The following LRBA variants were observed in gnomAD, a reference collection of about 807,000 sequenced individuals.
LRBA encodes the protein LPS responsive beige-like anchor protein.
LRBA carries 176 observed loss-of-function variants against 330.0 expected under a neutral mutation model. That is an observed-to-expected ratio of 0.53 (90% CI 0.47 to 0.60). The LOEUF (loss-of-function observed/expected upper bound fraction) is 0.60, where lower values mean the gene tolerates loss of function less well. LRBA is among the 20% of genes least tolerant of loss of function. The pLI, the probability that LRBA is intolerant of heterozygous loss-of-function variation, is 0.00. For synonymous variants in LRBA, 1,230 were observed against 1,193.0 expected, an observed-to-expected ratio of 1.03 and a Z score of -0.64; for missense variants, 3,259 against 3,444.8, an observed-to-expected ratio of 0.95 and a Z score of 1.35.
chr4:150,850,238 C>T (rs965438740), intron 24 of LRBA, among the ~76,000 whole-genome samples: 2 of 151,938 alleles, frequency 1.3e-5, no homozygotes, highest in South Asian at 4.2e-4. Context: ...GGACTACAGA[C>T]GCCCGCCACC....
intron 42 of LRBA, among the ~76,000 whole-genome samples, chr4:150,481,095 A>C (rs1757246400): frequency 1.3e-5 from 2 of 152,196 alleles, no homozygotes; most frequent in South Asian, 4.1e-4. Flanking sequence ...CGCAGTGTTT[A>C]ACTTTCTGTG....
chr4:150,405,907 T>G (rs987621959), intron 47 of LRBA, among the ~76,000 whole-genome samples: 4 of 151,872 alleles, frequency 2.6e-5, no homozygotes, highest in African/African-American at 9.7e-5. Context: ...ATAAAAAACT[T>G]AGCTGGGTGT....
chr4:150,828,133 A>G, intron 30 of LRBA, 47 bp downstream of exon 30: 2 of 1,559,270 alleles, frequency 1.3e-6, no homozygotes, highest in Non-Finnish European at 1.8e-6. Context: ...ATGTTGTTCA[A>G]GGGTCAGATG....
chr4:150,878,806 G>A (rs1728042038), intron 17 of LRBA, among the ~76,000 whole-genome samples: 1 of 150,610 alleles, frequency 6.6e-6, no homozygotes, highest in South Asian at 2.1e-4. Context: ...GACCAGGATT[G>A]AGCTCCGAAA....
In LRBA at chr4:150,435,662, T is replaced by C. The variant is rs751277202; in HGVS notation, c.6968A>G (p.Asp2323Gly). ...TGATGAAAAAGTTCGATCTGCATGA[T>C]CAAATTTGCCTCCTTGCAAATTTAG... ...YFLNLQGGKF[D>G]HADRTFSSIS... The change falls in exon 46 of 57, where the codon GAT becomes GGT. Residue 2323 changes from aspartate to glycine, a missense_variant. By Grantham distance (94) the Asp-to-Gly change is moderately conservative. Transcript: ENST00000651943. 15 of 1,612,704 alleles carry C rather than the reference T, an allele frequency of 9.3e-6. No homozygotes were observed. In the Admixed American group the frequency reaches 2.3e-4, roughly 25 times the overall value.
At chr4:150,776,189 C>G (rs532600275) in intron 34 of LRBA, among the ~76,000 whole-genome samples, 71 of 152,148 alleles carry the variant, frequency 4.7e-4, no homozygotes, top group African/African-American at 1.7e-3. Flanking sequence ...CAGTGGTGCA[C>G]GCCTATAATC....
intron 40 of LRBA, among the ~76,000 whole-genome samples, chr4:150,509,372 A>G (rs1761552492): frequency 6.6e-6 from 1 of 152,084 alleles, no homozygotes; most frequent in African/African-American, 2.4e-5. Context: ...TGAAAACACA[A>G]TTTTAAAAAA....
At chr4:150,883,315 C>A (rs1728604367) in intron 17 of LRBA, among the ~76,000 whole-genome samples, 1 of 151,992 alleles carries the variant, frequency 6.6e-6, no homozygotes, top group Non-Finnish European at 1.5e-5. Context: ...CAAAAATTAG[C>A]CAGGCATGGG....
At chr4:150,630,459 T>C (rs1447651700) in intron 37 of LRBA, among the ~76,000 whole-genome samples, 1 of 152,240 alleles carries the variant, frequency 6.6e-6, no homozygotes, top group Non-Finnish European at 1.5e-5. Flanking sequence ...ATATTTAATA[T>C]ATAGTTTAAT....
intron 46 of LRBA, chr4:150,423,300 C>T (rs1385646463): frequency 2.5e-6 from 2 of 791,174 alleles, no homozygotes; most frequent in Admixed American, 2.0e-5. Context: ...TCAAACATTC[C>T]TAATCATCCT....
intron 47 of LRBA, among the ~76,000 whole-genome samples, chr4:150,383,655 T>C (rs1414639918): frequency 6.6e-6 from 1 of 152,190 alleles, no homozygotes; most frequent in Non-Finnish European, 1.5e-5. Flanking sequence ...CGCTCTTGTG[T>C]GACAGGTGTA....
chr4:150,450,290 A>G (rs564638474), intron 44 of LRBA, among the ~76,000 whole-genome samples: 3 of 152,354 alleles, frequency 2.0e-5, no homozygotes, highest in East Asian at 3.9e-4. Context: ...ATAACTAAAT[A>G]TCACAAACTA....
At chr4:150,444,359 C>T (rs1437306588) in intron 44 of LRBA, among the ~76,000 whole-genome samples, 1 of 152,042 alleles carries the variant, frequency 6.6e-6, no homozygotes, top group Non-Finnish European at 1.5e-5. Context: ...TCCTCCCCCA[C>T]CACTCTAGTG....
At chr4:150,340,719 G>A (rs958995233) in intron 48 of LRBA, among the ~76,000 whole-genome samples, 1 of 152,168 alleles carries the variant, frequency 6.6e-6, no homozygotes, top group African/African-American at 2.4e-5. Flanking sequence ...TGCTTTAGAT[G>A]TACAGAAACA....
intron 13 of LRBA, among the ~76,000 whole-genome samples, chr4:150,903,323 C>G (rs528235739): frequency 6.6e-6 from 1 of 151,638 alleles, no homozygotes; most frequent in Non-Finnish European, 1.5e-5. Flanking sequence ...AGTTTAAGGT[C>G]GCACTGAGCC....
At chr4:150,478,738 T>G (rs1756984959) in intron 42 of LRBA, among the ~76,000 whole-genome samples, 1 of 152,204 alleles carries the variant, frequency 6.6e-6, no homozygotes, top group South Asian at 2.1e-4. Context: ...GAATAGCTGG[T>G]TATATTTCTT....
At chr4:150,615,843 T>C (rs1278537943) in intron 37 of LRBA, among the ~76,000 whole-genome samples, 2 of 152,072 alleles carry the variant, frequency 1.3e-5, no homozygotes, top group Admixed American at 6.6e-5. Context: ...GCAGAAGTGA[T>C]TGAGGCACAC....
intron 47 of LRBA, among the ~76,000 whole-genome samples, chr4:150,405,299 CTATT>C (rs1374413308): frequency 2.0e-5 from 3 of 152,114 alleles, no homozygotes; most frequent in African/African-American, 4.8e-5. Flanking sequence ...ACAGAAAAGG[CTATT>C]TAAGATTTAA....
intron 36 of LRBA, among the ~76,000 whole-genome samples, chr4:150,705,877 C>T (rs757045519): frequency 4.0e-5 from 6 of 151,840 alleles, no homozygotes; most frequent in Non-Finnish European, 5.9e-5. Context: ...CTGCTAAAGT[C>T]AGGAACAAGA....
Sources: allele counts gnomAD v4.1 joint callset (sites outside exome capture counted in the v4.1 genomes callset), GRCh38; gene constraint gnomAD v4.1.1; transcripts MANE v1.5; gene names NCBI Gene and HGNC (gene_info 2026-07-23, HGNC 2026-07-21).